The following NDUFA12 variants were observed in gnomAD, a reference collection of about 807,000 sequenced individuals.
NDUFA12 encodes the protein NADH:ubiquinone oxidoreductase subunit A12.
In NDUFA12, 17 loss-of-function variants were observed where a neutral mutation model predicts 20.3. The observed-to-expected ratio is 0.84, with a 90% CI of 0.57 to 1.26. The LOEUF (loss-of-function observed/expected upper bound fraction) is 1.26. NDUFA12 is among the 50% of genes most tolerant of loss of function. The probability of loss-of-function intolerance (pLI) is 0.00; values close to 1 mark genes in which losing one functional copy is unlikely to be tolerated. For missense variants in NDUFA12, 191 were observed against 183.7 expected, an observed-to-expected ratio of 1.04 and a Z score of -0.23; for synonymous variants, 72 against 63.6, an observed-to-expected ratio of 1.13 and a Z score of -0.63.
intron 3 of NDUFA12, among the ~76,000 whole-genome samples, chr12:94,985,099 G>A (rs1025569717): frequency 1.3e-5 from 2 of 151,694 alleles, no homozygotes; most frequent in Admixed American, 6.6e-5. Flanking sequence ...AAGGTGGGAG[G>A]ATTATTTGAG....
intron 3 of NDUFA12, among the ~76,000 whole-genome samples, chr12:94,974,431 T>C (rs1004181073): frequency 1.2e-4 from 19 of 152,142 alleles, no homozygotes; most frequent in African/African-American, 4.1e-4. Context: ...TAGAGAACAG[T>C]TAGGAAGTTC....
Position 94,999,952 on chromosome 12 carries a change from C to A in NDUFA12, c.169+2787G>T, listed in dbSNP as rs1004075762. 8.5e-5 allele frequency among the ~76,000 whole-genome samples: 13 copies of A among 152,130 alleles called. No homozygotes were observed. In the South Asian group the frequency reaches 1.0e-3, roughly 12 times the overall value. ...AAGAACTGAAGGCAGAACTACCATTCGATCCAGCAATCCCACTACTGGGTA... is the reference window on the plus strand; with the variant it reads ...AAGAACTGAAGGCAGAACTACCATTAGATCCAGCAATCCCACTACTGGGTA... On this transcript the variant is annotated intron_variant, in intron 2 of 3. Transcript: ENST00000327772.
chr12:94,996,590 C>T (rs1007859863), intron 2 of NDUFA12, among the ~76,000 whole-genome samples: 1 of 151,578 alleles, frequency 6.6e-6, no homozygotes, highest in Non-Finnish European at 1.5e-5. Context: ...GAGGCTGAGG[C>T]GGGTGGATCA....
At chr12:94,971,642 A>G (rs1297806690) in intron 3 of NDUFA12, 22 bp from the exon 4 acceptor site, 1 of 1,613,898 alleles carries the variant, frequency 6.2e-7, no homozygotes, top group Non-Finnish European at 8.5e-7. Context: ...GAAAAAACCC[A>G]AACAGTTATG....
At chr12:94,972,200 T>C (rs1873911738) in intron 3 of NDUFA12, among the ~76,000 whole-genome samples, 1 of 152,096 alleles carries the variant, frequency 6.6e-6, no homozygotes. Context: ...AGTGCTGGGA[T>C]TATAGGCATG....
intron 3 of NDUFA12, among the ~76,000 whole-genome samples, chr12:94,987,932 C>T (rs771808701): frequency 3.8e-4 from 57 of 151,766 alleles, no homozygotes; most frequent in African/African-American, 1.4e-3. Context: ...TATCATTCTA[C>T]ATCAAGGACA....
chr12:94,979,131 G>A (rs1239319794), intron 3 of NDUFA12, among the ~76,000 whole-genome samples: 1 of 152,158 alleles, frequency 6.6e-6, no homozygotes, highest in Non-Finnish European at 1.5e-5. Flanking sequence ...GGGAGGCTGA[G>A]GCAGGGGGGA....
At chr12:94,992,639 A>G (rs1242921336) in intron 3 of NDUFA12, among the ~76,000 whole-genome samples, 1 of 152,200 alleles carries the variant, frequency 6.6e-6, no homozygotes, top group Admixed American at 6.5e-5. Flanking sequence ...ATAAGGCAAT[A>G]TGGTTCCTGC....
At chr12:94,994,503 T>C (rs1053424630) in intron 2 of NDUFA12, 6 of 502,036 alleles carry the variant, frequency 1.2e-5, no homozygotes, top group African/African-American at 9.7e-5. Context: ...GGCTCAGGCC[T>C]TTCCCACAGG....
intron 3 of NDUFA12, among the ~76,000 whole-genome samples, chr12:94,988,935 G>C (rs1324653803): frequency 2.0e-5 from 3 of 152,052 alleles, no homozygotes; most frequent in Non-Finnish European, 1.5e-5. Context: ...CATGATTTGG[G>C]CCCTAGCTAT....
intron 1 of NDUFA12, 134 bp from the exon 2 acceptor site, chr12:95,002,955 G>T: frequency 1.3e-6 from 1 of 750,918 alleles, no homozygotes; most frequent in Non-Finnish European, 2.4e-6. Context: ...AAGTGCTGGG[G>T]ATGGGAAAAG....
rs538493231 is a variant in NDUFA12, at chr12:95,001,849, C to A, written c.169+890G>T. Among the ~76,000 whole-genome samples, 15 of 151,980 alleles carry A rather than the reference C, an allele frequency of 9.9e-5. No homozygotes were observed. The South Asian group carries it at 3.1e-3, about 32-fold the overall frequency. On this transcript the variant is annotated intron_variant, in intron 2 of 3. Coordinates refer to ENST00000327772, the MANE Select transcript of NDUFA12 (RefSeq NM_018838.5). ...CCTCTCAGGTAGCTGGGATTACAGG[C>A]ACACGCCACCACATCCAGCTAATTT...
intron 2 of NDUFA12, among the ~76,000 whole-genome samples, chr12:95,002,217 G>A (rs554039874): frequency 6.0e-5 from 9 of 150,922 alleles, no homozygotes; most frequent in African/African-American, 2.2e-4. Context: ...CAAGGCGGGT[G>A]GATCACGAGG....
intron 3 of NDUFA12, among the ~76,000 whole-genome samples, chr12:94,977,430 G>A (rs1331813142): frequency 6.6e-6 from 1 of 151,778 alleles, no homozygotes; most frequent in Non-Finnish European, 1.5e-5. Context: ...TATGATCACG[G>A]CACTACACTT....
At chr12:94,988,720 TACATCAGA>T (rs1555200790) in intron 3 of NDUFA12, among the ~76,000 whole-genome samples, 3 of 152,146 alleles carry the variant, frequency 2.0e-5, no homozygotes, top group Non-Finnish European at 4.4e-5. Flanking sequence ...ATGTAGCAGT[TACATCAGA>T]CTGAGACACT....
intron 3 of NDUFA12, among the ~76,000 whole-genome samples, chr12:94,989,816 G>A (rs1372844336): frequency 2.0e-5 from 3 of 151,976 alleles, no homozygotes; most frequent in Non-Finnish European, 4.4e-5. Flanking sequence ...ATAATTAATC[G>A]CACATAATTG....
chr12:94,997,701 A>T (rs976847664), intron 2 of NDUFA12, among the ~76,000 whole-genome samples: 9 of 152,172 alleles, frequency 5.9e-5, no homozygotes, highest in Admixed American at 3.9e-4. Context: ...CAGATTTCAG[A>T]TTAGAGATGC....
At chr12:94,974,412 C>T (rs1308422509) in intron 3 of NDUFA12, among the ~76,000 whole-genome samples, 1 of 152,108 alleles carries the variant, frequency 6.6e-6, no homozygotes, top group African/African-American at 2.4e-5. Flanking sequence ...TAAGTTAGTA[C>T]AACCATTATA....
intron 2 of NDUFA12, among the ~76,000 whole-genome samples, chr12:95,001,064 G>A (rs1405300698): frequency 6.6e-6 from 1 of 152,174 alleles, no homozygotes; most frequent in African/African-American, 2.4e-5. Context: ...CAGCACTTTG[G>A]GAGGCTGAGA....
Sources: gnomAD v4.1 joint callset for allele counts (sites outside exome capture counted in the v4.1 genomes callset) on GRCh38, gnomAD v4.1.1 for gene constraint, MANE v1.5 for transcripts, NCBI Gene and HGNC (gene_info 2026-07-23, HGNC 2026-07-21) for gene names.